The following SH3GL3 variants were observed in gnomAD, a reference collection of about 807,000 sequenced individuals.
SH3GL3 encodes SH3 domain containing GRB2 like 3, endophilin A3, also known as endophilin-A3.
SH3GL3 carries 33 observed loss-of-function variants against 47.7 expected under a neutral mutation model. The ratio of observed to expected loss-of-function variants is 0.69; its 90% CI spans 0.52 to 0.92. The LOEUF is 0.92. Among genes scored for constraint, SH3GL3 ranks in the 40% least tolerant of loss-of-function variants. The pLI is 0.00. For missense variants in SH3GL3, 363 were observed against 417.8 expected (o/e 0.87, Z 1.14); for synonymous variants, 155 against 148.8 (o/e 1.04, Z -0.30).
intron 6 of SH3GL3, among the ~76,000 whole-genome samples, chr15:83,579,671 G>T (rs986494069): frequency 6.6e-6 from 1 of 152,166 alleles, no homozygotes; most frequent in Non-Finnish European, 1.5e-5. Flanking sequence ...TGATAAAGAG[G>T]CTAAGGGGGT....
chr15:83,521,366 C>T (rs2043194557), intron 1 of SH3GL3, among the ~76,000 whole-genome samples: 1 of 152,064 alleles, frequency 6.6e-6, no homozygotes. Flanking sequence ...TGGACACTAC[C>T]TTTAGGTGCT....
chr15:83,587,113 C>T (rs1391050486), intron 7 of SH3GL3, 27 bp downstream of exon 7: 1 of 1,290,044 alleles, frequency 7.8e-7, no homozygotes, highest in African/African-American at 1.5e-5. Flanking sequence ...TTCTTACAAG[C>T]CAAGGGCTGC....
At chr15:83,483,108 A>G (rs2041440898) in intron 1 of SH3GL3, among the ~76,000 whole-genome samples, 1 of 152,086 alleles carries the variant, frequency 6.6e-6, no homozygotes, top group African/African-American at 2.4e-5. Context: ...GAGTTTCTTC[A>G]TATGTTGGAT....
chr15:83,612,128 C>T (rs1350117672), intron 8 of SH3GL3, among the ~76,000 whole-genome samples: 1 of 152,166 alleles, frequency 6.6e-6, no homozygotes, highest in East Asian at 1.9e-4. Context: ...ATAGACTATC[C>T]GTTTATGACT....
intron 8 of SH3GL3, among the ~76,000 whole-genome samples, chr15:83,590,412 T>C (rs1351648552): frequency 2.0e-5 from 3 of 152,230 alleles, no homozygotes; most frequent in Non-Finnish European, 4.4e-5. Context: ...TTCTACAGTT[T>C]TCTACTACTT....
At chr15:83,542,071 A>C (rs1009711570) in intron 1 of SH3GL3, among the ~76,000 whole-genome samples, 1 of 152,118 alleles carries the variant, frequency 6.6e-6, no homozygotes, top group Non-Finnish European at 1.5e-5. Context: ...AGTTCTCCCA[A>C]TGTTTTCTTA....
intron 1 of SH3GL3, among the ~76,000 whole-genome samples, chr15:83,546,841 G>A (rs1397439152): frequency 6.6e-6 from 1 of 152,164 alleles, no homozygotes; most frequent in Non-Finnish European, 1.5e-5. Flanking sequence ...TAGAAATGTT[G>A]TCTGGAAGCT....
chr15:83,457,604 C>G (rs2040061599), intron 1 of SH3GL3, among the ~76,000 whole-genome samples: 1 of 152,188 alleles, frequency 6.6e-6, no homozygotes, highest in South Asian at 2.1e-4. Context: ...CAATGAATGT[C>G]TCTTGTTTCA....
chr15:83,585,657 G>A (rs753791500), intron 6 of SH3GL3, among the ~76,000 whole-genome samples: 6 of 152,204 alleles, frequency 3.9e-5, no homozygotes, highest in Non-Finnish European at 8.8e-5. Context: ...TTAGGATTTA[G>A]TAGGGGCCAG....
intron 1 of SH3GL3, among the ~76,000 whole-genome samples, chr15:83,459,362 T>C (rs2151502741): frequency 6.6e-6 from 1 of 152,310 alleles, no homozygotes; most frequent in East Asian, 1.9e-4. Context: ...AAGTTGACAC[T>C]CAACGTTAGC....
intron 1 of SH3GL3, among the ~76,000 whole-genome samples, chr15:83,498,905 C>T (rs1248298013): frequency 2.6e-5 from 4 of 152,140 alleles, no homozygotes; most frequent in African/African-American, 9.7e-5. Flanking sequence ...CACACTATGC[C>T]CTGTTGGGTT....
chr15:83,582,174 T>C (rs993011604), intron 6 of SH3GL3, among the ~76,000 whole-genome samples: 1 of 152,234 alleles, frequency 6.6e-6, no homozygotes, highest in African/African-American at 2.4e-5. Context: ...AGTTTATTCC[T>C]CATTATTCCT....
Position 83,447,508 on chromosome 15 carries a change from C to A in SH3GL3, c.-26C>A. On this transcript the variant is annotated 5_prime_UTR_variant, in exon 1 of 9. Transcript: ENST00000427482. The surrounding 1 kb of genome is among the most constrained non-coding windows in gnomAD (Gnocchi z 5.1). ...GTGGCCCAGCCGAGCCTTGAGACCA[C>A]CCCGCCCCTGCCGGTCGCAGTCGCG... 6.7e-7 allele frequency: 1 copy of A among 1,496,508 alleles called. No homozygotes were observed. Among genetic ancestry groups the A allele is most frequent in the Non-Finnish European group, 8.9e-7 (1 of 1,120,914 alleles). The allele number at this position is 1,496,508 out of a possible 1,614,324, so 92.7% of individuals were successfully genotyped here. A position where few individuals can be genotyped will look rare whatever the true frequency, so the allele number is the denominator to read the frequency against.
intron 1 of SH3GL3, among the ~76,000 whole-genome samples, chr15:83,483,227 T>C (rs767374176): frequency 5.3e-5 from 8 of 152,204 alleles, no homozygotes; most frequent in African/African-American, 1.4e-4. Flanking sequence ...GAGCTTCAGA[T>C]TGATAGTTTA....
At chr15:83,524,306 A>C (rs1321961765) in intron 1 of SH3GL3, among the ~76,000 whole-genome samples, 1 of 152,186 alleles carries the variant, frequency 6.6e-6, no homozygotes, top group Non-Finnish European at 1.5e-5. Flanking sequence ...TGAAGGATGC[A>C]TCTTCTCATT....
chr15:83,504,113 C>A (rs1402244437), intron 1 of SH3GL3, among the ~76,000 whole-genome samples: 1 of 152,154 alleles, frequency 6.6e-6, no homozygotes, highest in Non-Finnish European at 1.5e-5. Context: ...TCCTGTTAGT[C>A]ATTTGAAATT....
chr15:83,522,416 C>T (rs1010882434), intron 1 of SH3GL3, among the ~76,000 whole-genome samples: 1 of 152,200 alleles, frequency 6.6e-6, no homozygotes, highest in Non-Finnish European at 1.5e-5. Context: ...TAGTCTCCCT[C>T]AAACTCCATC....
Position 83,544,888 on chromosome 15 carries a change from A to G in SH3GL3, c.46-14365A>G, listed in dbSNP as rs183205595. ...GGTTTTTACTGAGAAATCTGCTGCC[A>G]GACATAATGGAGATTCTTTATATGC... On this transcript the variant is annotated intron_variant, in intron 1 of 8. Coordinates refer to ENST00000427482, the MANE Select transcript of SH3GL3 (RefSeq NM_003027.5). Among the ~76,000 whole-genome samples, 336 of 152,302 alleles carry G rather than the reference A, an allele frequency of 2.2e-3. 8 individuals are homozygous for G. Among genetic ancestry groups the G allele is most frequent in the Admixed American group, 0.019 (287 of 15,300 alleles).
chr15:83,467,524 C>T (rs1307317333), intron 1 of SH3GL3, among the ~76,000 whole-genome samples: 1 of 152,126 alleles, frequency 6.6e-6, no homozygotes, highest in African/African-American at 2.4e-5. Flanking sequence ...GTTATTTTGT[C>T]TTTTCGTATA....
Sources: gnomAD v4.1 joint callset for allele counts (sites outside exome capture counted in the v4.1 genomes callset) on GRCh38, gnomAD v4.1.1 for gene constraint, Gnocchi (gnomAD v3.1) non-coding constraint, MANE v1.5 for transcripts, NCBI Gene and HGNC (gene_info 2026-07-23, HGNC 2026-07-21) for gene names.